Variants in DSCAML1 observed in about 807,000 individuals in gnomAD.
DSCAML1 encodes the protein cell adhesion molecule DSCAML1.
Under a neutral mutation model 200.5 loss-of-function variants are expected in DSCAML1, and 38 were observed. The ratio of observed to expected loss-of-function variants is 0.19; its 90% confidence interval spans 0.15 to 0.25. DSCAML1 has a LOEUF of 0.25. DSCAML1 is among the 10% of genes least tolerant of loss of function. The probability of loss-of-function intolerance (pLI) is 1.00; values close to 1 mark genes in which losing one functional copy is unlikely to be tolerated. For missense variants in DSCAML1, 2,223 were observed against 2,858.8 expected (o/e 0.78, Z 5.07); for synonymous variants, 1,215 against 1,165.0 (o/e 1.04, Z -0.87).
chr11:117,816,800 G>GGGGA (rs1555038459), intron 1 of DSCAML1, among the ~76,000 whole-genome samples: 2 of 105,752 alleles, frequency 1.9e-5, no homozygotes, highest in East Asian at 2.9e-4. Flanking sequence ...GGAATTGCTG[G>GGGGA]GGGGGTGGGG....
At chr11:117,508,552 G>A (rs913727728) in intron 8 of DSCAML1, among the ~76,000 whole-genome samples, 1 of 151,686 alleles carries the variant, frequency 6.6e-6, no homozygotes, top group African/African-American at 2.4e-5. Context: ...AAGAGGGGGG[G>A]TCTGTGCTGC....
At position 117,505,815 on chromosome 11, in the gene DSCAML1, G is replaced by A; in HGVS notation, c.1784-83C>T. 2.0e-6 allele frequency: 3 copies of A among 1,502,018 alleles called. No homozygotes were observed. The highest frequency in any genetic ancestry group is 1.8e-4 in the Middle Eastern group (1 of 5,482). 93.0% of individuals were successfully genotyped at this position (1,502,018 alleles called of 1,614,324 possible). A position where few individuals can be genotyped will look rare whatever the true frequency, so the allele number is the denominator to read the frequency against. ...ACGCCGCCTCACCTGCCTTACCTGG[G>A]GCTCTGGGTTGGGCCTTGAACAAAG... On this transcript the variant is annotated intron_variant, in intron 8 of 32. Transcript: ENST00000651296. This position sits in a 1 kb window ranked among gnomAD's most constrained non-coding sequence, Gnocchi z 6.7.
At chr11:117,529,761 C>A (rs1389477528) in intron 4 of DSCAML1, among the ~76,000 whole-genome samples, 1 of 151,940 alleles carries the variant, frequency 6.6e-6, no homozygotes, top group Non-Finnish European at 1.5e-5. Flanking sequence ...CTCGTGCCTG[C>A]CTCTCTGTGG....
chr11:117,789,463 C>T (rs1330334870), intron 1 of DSCAML1, among the ~76,000 whole-genome samples: 1 of 152,120 alleles, frequency 6.6e-6, no homozygotes, highest in African/African-American at 2.4e-5. Context: ...ATTCACAAGG[C>T]CTAGAGAGGT....
At chr11:117,553,160 G>A (rs2050499232) in intron 3 of DSCAML1, among the ~76,000 whole-genome samples, 1 of 152,150 alleles carries the variant, frequency 6.6e-6, no homozygotes, top group African/African-American at 2.4e-5. Context: ...CTGAGTGCAA[G>A]AGCCTAAAAT....
At position 117,435,776 on chromosome 11, in the gene DSCAML1, C is replaced by G; in HGVS notation, c.4744G>C (p.Ala1582Pro). 1.9e-6 allele frequency: 3 copies of G among 1,612,270 alleles called. No homozygotes were observed. Among genetic ancestry groups the G allele is most frequent in the African/African-American group, 1.3e-5 (1 of 75,034 alleles). Residue 1582 changes from alanine to proline, a missense_variant, in exon 27 of 33, where the codon GCT (alanine) becomes CCT (proline). Physicochemically the swap from Ala to Pro is conservative, Grantham distance 27 (BLOSUM62 -1). Transcript: ENST00000651296. ...TTCACATCATCCCCTTCACCTTGAG[C>G]AGACTTGATGGGTGGAATGGTGCCT... The part of the protein sequence containing the change: ...DGSTIPPIKS[A>P]QGEGDDVKKL...
Position 117,504,162 on chromosome 11 carries a change from GC to G in DSCAML1, c.2183-142del. ...GCTGCACCATCCCCAAAGTGCTGAG[GC>G]CACATGGCTCCTGGTGGGCAACAGG... On this transcript the variant is annotated intron_variant, in intron 10 of 32. Coordinates refer to ENST00000651296, the MANE Select transcript of DSCAML1 (RefSeq NM_020693.4). The surrounding 1 kb of genome is among the most constrained non-coding windows in gnomAD (Gnocchi z 5.0). 1.0e-6 allele frequency: 1 copy of G among 991,394 alleles called. No homozygotes were observed. Among genetic ancestry groups the G allele is most frequent in the Non-Finnish European group, 1.5e-6 (1 of 684,796 alleles). 61.4% of individuals were successfully genotyped at this position (991,394 alleles called of 1,614,324 possible). A position where few individuals can be genotyped will look rare whatever the true frequency, so the allele number is the denominator to read the frequency against.
chr11:117,515,574 A>G (rs2049743657), intron 8 of DSCAML1, among the ~76,000 whole-genome samples: 1 of 127,022 alleles, frequency 7.9e-6, no homozygotes, highest in African/African-American at 3.0e-5. Context: ...CAAAGACCTC[A>G]CCCAGGTGGA....
intron 3 of DSCAML1, among the ~76,000 whole-genome samples, chr11:117,602,353 G>A (rs1357534923): frequency 3.3e-5 from 5 of 152,136 alleles, no homozygotes; most frequent in Admixed American, 2.6e-4. Context: ...CTGGCAGGCA[G>A]GGGGGTCCCT....
intron 3 of DSCAML1, among the ~76,000 whole-genome samples, chr11:117,623,365 C>A (rs1233859364): frequency 2.0e-5 from 3 of 151,888 alleles, no homozygotes; most frequent in Non-Finnish European, 4.4e-5. Context: ...TACAGGAGTG[C>A]GCCATGACAC....
chr11:117,738,103 T>C (rs975799662), intron 3 of DSCAML1, among the ~76,000 whole-genome samples: 31 of 152,194 alleles, frequency 2.0e-4, no homozygotes, highest in Admixed American at 2.6e-4. Flanking sequence ...AGATGCTTAC[T>C]GCTGAATGAT....
In DSCAML1 at chr11:117,437,487, A is replaced by T; in HGVS notation, c.4433-78T>A. ...ACTGGACTGGGCTGGGCTGGAAAGG[A>T]TTTCCCTGGGGCAGCTGGGATGGCA... On this transcript the variant is annotated intron_variant, in intron 25 of 32. Transcript: ENST00000651296. The surrounding 1 kb of genome is among the most constrained non-coding windows in gnomAD (Gnocchi z 5.3). 2.6e-6 allele frequency: 4 copies of T among 1,515,556 alleles called. No homozygotes were observed. Among genetic ancestry groups the T allele is most frequent in the Non-Finnish European group, 3.6e-6 (4 of 1,118,796 alleles). 93.9% of individuals were successfully genotyped at this position (1,515,556 alleles called of 1,614,324 possible). A position where few individuals can be genotyped will look rare whatever the true frequency, so the allele number is the denominator to read the frequency against.
At chr11:117,583,487 G>A (rs964123494) in intron 3 of DSCAML1, among the ~76,000 whole-genome samples, 1 of 152,166 alleles carries the variant, frequency 6.6e-6, no homozygotes, top group Non-Finnish European at 1.5e-5. Flanking sequence ...TCTAGGCTCA[G>A]CTGCAGCCCC....
intron 3 of DSCAML1, among the ~76,000 whole-genome samples, chr11:117,757,103 G>C (rs1467119603): frequency 6.6e-6 from 1 of 152,122 alleles, no homozygotes; most frequent in African/African-American, 2.4e-5. Context: ...CACAAAAGCA[G>C]ATTTTAGTCC....
chr11:117,741,043 G>T (rs1466752090), intron 3 of DSCAML1, among the ~76,000 whole-genome samples: 1 of 152,242 alleles, frequency 6.6e-6, no homozygotes, highest in Admixed American at 6.5e-5. Context: ...TACCAATGTG[G>T]GGTACATTTT....
intron 3 of DSCAML1, among the ~76,000 whole-genome samples, chr11:117,671,905 A>C (rs1476337845): frequency 2.6e-5 from 4 of 152,102 alleles, no homozygotes; most frequent in Non-Finnish European, 4.4e-5. Flanking sequence ...TGAGGTCAGG[A>C]GATCAAGACC....
chr11:117,657,512 AT>A (rs2052758959), intron 3 of DSCAML1, among the ~76,000 whole-genome samples: 1 of 152,090 alleles, frequency 6.6e-6, no homozygotes, highest in African/African-American at 2.4e-5. Context: ...TCATATTTCC[AT>A]TTTTGCTTTT....
At chr11:117,669,513 T>C (rs1391083486) in intron 3 of DSCAML1, among the ~76,000 whole-genome samples, 2 of 152,214 alleles carry the variant, frequency 1.3e-5, no homozygotes, top group African/African-American at 4.8e-5. Context: ...AGCCAAGCTC[T>C]GTGCTGGGCC....
chr11:117,582,623 C>T (rs2051061996), intron 3 of DSCAML1, among the ~76,000 whole-genome samples: 1 of 152,198 alleles, frequency 6.6e-6, no homozygotes, highest in Non-Finnish European at 1.5e-5. Context: ...GAAGGGGACC[C>T]TCAGGCCTGC....
Sources: allele counts gnomAD v4.1 joint callset (sites outside exome capture counted in the v4.1 genomes callset), GRCh38; gene constraint gnomAD v4.1.1; non-coding constraint Gnocchi (gnomAD v3.1); transcripts MANE v1.5; gene names NCBI Gene and HGNC (gene_info 2026-07-23, HGNC 2026-07-21).